Variants in BLM observed in about 807,000 individuals in gnomAD.
BLM encodes the protein BLM RecQ like helicase.
Under a neutral mutation model 135.3 loss-of-function variants are expected in BLM, and 95 were observed. That is an observed-to-expected ratio of 0.70 (90% CI 0.59 to 0.83). The LOEUF is 0.83. BLM is among the 40% of genes least tolerant of loss of function. The probability of loss-of-function intolerance (pLI) is 0.00; values close to 1 mark genes in which losing one functional copy is unlikely to be tolerated. For synonymous variants in BLM, 520 were observed against 589.2 expected (o/e 0.88, Z 1.70); for missense variants, 1,518 against 1,663.9 (o/e 0.91, Z 1.53).
chr15:90,730,098 C>T (rs1369781184), intron 1 of BLM, among the ~76,000 whole-genome samples: 1 of 152,100 alleles, frequency 6.6e-6, no homozygotes, highest in Non-Finnish European at 1.5e-5. Flanking sequence ...TCGTGATCCA[C>T]CCACCTCGGC....
At chr15:90,749,319 G>T in intron 2 of BLM, 48 bp from the exon 3 acceptor site, 1 of 1,426,304 alleles carries the variant, frequency 7.0e-7, no homozygotes, top group Non-Finnish European at 9.7e-7. Flanking sequence ...GAGTTGGGGG[G>T]TTTCTTAAAA....
At chr15:90,736,347 C>G (rs555877782) in intron 1 of BLM, among the ~76,000 whole-genome samples, 1 of 152,124 alleles carries the variant, frequency 6.6e-6, no homozygotes, top group South Asian at 2.1e-4. Flanking sequence ...CACTGCAGCT[C>G]AAACTCCCAG....
At chr15:90,802,818 C>A (rs150905798) in intron 17 of BLM, among the ~76,000 whole-genome samples, 3 of 151,986 alleles carry the variant, frequency 2.0e-5, no homozygotes, top group East Asian at 1.9e-4. Context: ...TAAAGAGTGT[C>A]ATTGGATTGT....
chr15:90,815,026 C>T lies in BLM; in HGVS notation c.4077-76C>T, dbSNP rs1288441715. 7.1e-7 allele frequency: 1 copy of T among 1,410,702 alleles called. No individual in the cohort carries two copies. Among genetic ancestry groups the T allele is most frequent in the African/African-American group, 1.6e-5 (1 of 62,774 alleles). 87.4% of individuals were successfully genotyped at this position (1,410,702 alleles called of 1,614,324 possible). A position where few individuals can be genotyped will look rare whatever the true frequency, so the allele number is the denominator to read the frequency against. On this transcript the variant is annotated intron_variant, in intron 21 of 21. Coordinates refer to ENST00000355112, the MANE Select transcript of BLM (RefSeq NM_000057.4). The surrounding 1 kb of genome is among the most constrained non-coding windows in gnomAD (Gnocchi z 4.6). ...GGCCCAGGGAAGTGGTATTGTAGCT[C>T]TGTGCAGGTTGAGAGGAAGGTCATT...
At position 90,787,036 on chromosome 15, in the gene BLM, C is replaced by CTTTTT. The variant is rs11366266; in HGVS notation, c.2823+1981_2823+1985dup. Among the ~76,000 whole-genome samples the CTTTTT allele has an allele frequency of 1.6e-4, 9 of 57,992 alleles. 1 individual carries two copies. The highest frequency in any genetic ancestry group is 6.8e-4 in the Admixed American group (3 of 4,426). The allele number at this position is 57,992 out of a possible 152,430, so 38.0% of individuals were successfully genotyped here. On this transcript the variant is annotated intron_variant, in intron 14 of 21. Coordinates refer to ENST00000355112, the MANE Select transcript of BLM (RefSeq NM_000057.4). ...AAAGCTGAAAATACTTTAGGCATCT[C>CTTTTT]TTTTTTTTTTTTTTTTTTTTTTTTT...
intron 17 of BLM, among the ~76,000 whole-genome samples, chr15:90,801,407 A>C (rs1320221362): frequency 6.6e-6 from 1 of 150,946 alleles, no homozygotes; most frequent in East Asian, 2.0e-4. Flanking sequence ...AAGTAAAAGA[A>C]GGCATACAGG....
chr15:90,759,926 A>G (rs966049226), intron 5 of BLM: 76 of 366,666 alleles, frequency 2.1e-4, no homozygotes, highest in South Asian at 5.7e-4. Context: ...AAAAAAAAAA[A>G]AAAAAGAAAA....
rs2151166312 is a variant in BLM, at chr15:90,769,543, C to A, written c.2512C>A (p.Gln838Lys). The A allele has an allele frequency of 1.2e-6, 2 of 1,614,030 alleles. No individual in the cohort carries two copies. Among genetic ancestry groups the A allele is most frequent in the Non-Finnish European group, 1.7e-6 (2 of 1,179,948 alleles). Residue 838 changes from glutamine (Q) to lysine (K), a missense_variant, in exon 12 of 22, where the codon CAG (glutamine) becomes AAG (lysine). Around this residue, in one of 5 missense-constraint regions of BLM, gnomAD observed 626 missense variants for 681.1 expected, o/e 0.92. Coordinates refer to ENST00000355112, the MANE Select transcript of BLM (RefSeq NM_000057.4). ...TACGGCCACAGCTAATCCCAGGGTA[C>A]AGAAGGACATCCTGACTCAGCTGAA... ...ALTATANPRV[Q>K]KDILTQLKIL...
chr15:90,731,057 A>G (rs1056807425), intron 1 of BLM, among the ~76,000 whole-genome samples: 2 of 151,952 alleles, frequency 1.3e-5, no homozygotes, highest in African/African-American at 4.8e-5. Flanking sequence ...CTCCCATCTC[A>G]GCTTCCCAAG....
rs1022726881 is a variant in BLM at position 90,757,754 on chromosome 15, C to G, written c.1088-2393C>G. On this transcript the variant is annotated intron_variant, in intron 5 of 21. Transcript: ENST00000355112. Reference sequence around the variant, plus strand: ...TGATCATTTTCTTCCCCTTCTTTCTCTAATTGTTTTCTGAGGATATGTACT... The same window carrying G: ...TGATCATTTTCTTCCCCTTCTTTCTGTAATTGTTTTCTGAGGATATGTACT... Among the ~76,000 whole-genome samples the G allele has an allele frequency of 3.6e-4, 55 of 152,148 alleles. 1 individual carries two copies. The highest frequency in any genetic ancestry group is 1.3e-3 in the Admixed American group (20 of 15,274).
intron 20 of BLM, among the ~76,000 whole-genome samples, chr15:90,809,854 A>C (rs1258056685): frequency 6.6e-6 from 1 of 152,108 alleles, no homozygotes; most frequent in Non-Finnish European, 1.5e-5. Flanking sequence ...GAAATCATTG[A>C]CCTGGGGGAA....
intron 5 of BLM, among the ~76,000 whole-genome samples, chr15:90,756,463 G>A (rs114011776): frequency 0.012 from 1,852 of 152,296 alleles, 45 homozygotes; most frequent in African/African-American, 0.042. Context: ...GTACAGGAGC[G>A]TTAAATAGTT....
At chr15:90,772,123 A>G (rs16944798) in intron 12 of BLM, among the ~76,000 whole-genome samples, 12,546 of 152,188 alleles carry the variant, frequency 0.082, 841 homozygotes, top group African/African-American at 0.18. Context: ...ATTTTAAGGA[A>G]TACTTTCTGG....
At chr15:90,727,635 T>A (rs780226902) in intron 1 of BLM, among the ~76,000 whole-genome samples, 10 of 152,156 alleles carry the variant, frequency 6.6e-5, no homozygotes, top group Non-Finnish European at 1.3e-4. Context: ...CCAGCTTCTT[T>A]TGGGCAGAAA....
rs2151149592 is a variant in BLM at position 90,751,839 on chromosome 15, G to A, written c.852G>A (p.Glu284=). The change falls in exon 4 of 22, where the codon GAG becomes GAA. Residue 284 remains glutamate (E), a synonymous_variant. Coordinates refer to ENST00000355112, the MANE Select transcript of BLM (RefSeq NM_000057.4). ...NLEEAELHST[E]KVPCIEFDDD... ...AAGAAGCTGAATTACATTCAACTGA[G>A]AAAGTTCCATGTATTGAATTTGATG... 4 of 1,612,852 alleles carry A rather than the reference G, an allele frequency of 2.5e-6. No individual in the cohort carries two copies. The highest frequency in any genetic ancestry group is 3.4e-6 in the Non-Finnish European group (4 of 1,178,930).
At chr15:90,811,830 G>T (rs1897429511) in intron 21 of BLM, among the ~76,000 whole-genome samples, 2 of 151,930 alleles carry the variant, frequency 1.3e-5, no homozygotes, top group East Asian at 3.9e-4. Context: ...GCTAATTTTT[G>T]TATTTTTTGT....
At chr15:90,759,413 TAA>T (rs879724551) in intron 5 of BLM, among the ~76,000 whole-genome samples, 6 of 135,932 alleles carry the variant, frequency 4.4e-5, no homozygotes, top group Admixed American at 7.4e-5. Context: ...AATAATTAAT[TAA>T]AAAAAAAAAA....
At chr15:90,756,979 T>C (rs1027619084) in intron 5 of BLM, among the ~76,000 whole-genome samples, 1 of 152,250 alleles carries the variant, frequency 6.6e-6, no homozygotes, top group Non-Finnish European at 1.5e-5. Context: ...GGATTCAAGA[T>C]AAAGTGCCTA....
intron 3 of BLM, among the ~76,000 whole-genome samples, chr15:90,751,390 A>T (rs892604646): frequency 2.6e-4 from 39 of 152,352 alleles, no homozygotes; most frequent in African/African-American, 9.1e-4. Context: ...ATAACTGGGA[A>T]ACTTTGTGTT....
Sources: allele counts gnomAD v4.1 joint callset (sites outside exome capture counted in the v4.1 genomes callset), GRCh38; gene constraint gnomAD v4.1.1; regional missense constraint gnomAD v4.1.1; non-coding constraint Gnocchi (gnomAD v3.1); transcripts MANE v1.5; gene names NCBI Gene and HGNC (gene_info 2026-07-23, HGNC 2026-07-21).